The following GPR27 variants were observed in gnomAD, a reference collection of about 807,000 sequenced individuals.
GPR27 encodes the protein G protein-coupled receptor 27.
Under a neutral mutation model 2.4 loss-of-function variants are expected in GPR27, and 3 were observed. The observed-to-expected ratio is 1.23, with a 90% confidence interval of 0.56 to 3.18. The LOEUF (loss-of-function observed/expected upper bound fraction) is 3.18, where lower values mean the gene tolerates loss of function less well. GPR27 is among the 30% of genes most tolerant of loss of function. The pLI is 0.03. For missense variants in GPR27, 526 were observed against 566.1 expected (o/e 0.93, Z 0.72); for synonymous variants, 367 against 296.4 (o/e 1.24, Z -2.45).
Position 71,756,208 on chromosome 3 carries a change from TATA to T in GPR27, c.*1034_*1036del, listed in dbSNP as rs1431094782. On this transcript the variant is annotated 3_prime_UTR_variant, in exon 1 of 1. Coordinates refer to ENST00000304411, the MANE Select transcript of GPR27 (RefSeq NM_018971.3). ...TTGTTTATGGTATAAATGAATGGAA[TATA>T]ATGATATCCTCCTTCTAGGAAACAA... The T allele has an allele frequency of 1.3e-5, 2 of 152,218 alleles. No homozygotes were observed. The highest frequency in any genetic ancestry group is 4.8e-5 in the African/African-American group (2 of 41,468). The allele number at this position is 152,218 out of a possible 1,614,324, so 9.4% of individuals were successfully genotyped here. A position where few individuals can be genotyped will look rare whatever the true frequency, so the allele number is the denominator to read the frequency against.
Position 71,754,855 on chromosome 3 carries a change from G to A in GPR27, c.806G>A (p.Arg269His). 2.0e-6 allele frequency: 3 copies of A among 1,470,544 alleles called. No homozygotes were observed. The highest frequency in any genetic ancestry group is 2.8e-6 in the Non-Finnish European group (3 of 1,085,612). The allele number at this position is 1,470,544 out of a possible 1,614,324, so 91.1% of individuals were successfully genotyped here. ...RPAGPGRGARRLLVLEEFKTE... is the reference protein window; with the variant it reads ...RPAGPGRGARHLLVLEEFKTE... ...GCAGGGCCGGGCCGCGGCGCGCGCC[G>A]CCTCCTCGTGCTGGAAGAATTCAAG... Residue 269 changes from arginine to histidine, a missense_variant, in exon 1 of 1, where the codon CGC becomes CAC. By Grantham distance (29) the Arg-to-His change is conservative. Around this residue, in one of 3 missense-constraint regions of GPR27, gnomAD observed 98 missense variants for 146.7 expected, o/e 0.67. Transcript: ENST00000304411. This position sits in a 1 kb window ranked among gnomAD's most constrained non-coding sequence, Gnocchi z 5.8.
chr3:71,755,483 T>C lies in GPR27; in HGVS notation c.*306T>C. 1 of 339,236 alleles carries C rather than the reference T, an allele frequency of 2.9e-6. No homozygotes were observed. The allele number at this position is 339,236 out of a possible 1,614,324, so 21.0% of individuals were successfully genotyped here. On this transcript the variant is annotated 3_prime_UTR_variant, in exon 1 of 1. Coordinates refer to ENST00000304411, the MANE Select transcript of GPR27 (RefSeq NM_018971.3). ...CCATGTGTGGTTCCTTTTTTTCTTT[T>C]TCTATAAAGGCTGTACTAATTTTCT...
rs1235352564 is a variant in GPR27, at chr3:71,755,516, A to G, written c.*339A>G. The G allele has an allele frequency of 2.1e-5, 5 of 241,154 alleles. No individual in the cohort carries two copies. The highest frequency in any genetic ancestry group is 1.6e-5 in the Non-Finnish European group (2 of 125,612). 14.9% of individuals were successfully genotyped at this position (241,154 alleles called of 1,614,324 possible). On this transcript the variant is annotated 3_prime_UTR_variant, in exon 1 of 1. Coordinates refer to ENST00000304411, the MANE Select transcript of GPR27 (RefSeq NM_018971.3). ...AGGCTGTACTAATTTTCTTCATGCAACGTTTCCTAAAGACCATGGCCAGTT... is the reference window on the plus strand; with the variant it reads ...AGGCTGTACTAATTTTCTTCATGCAGCGTTTCCTAAAGACCATGGCCAGTT...
In GPR27 at chr3:71,754,192, G is replaced by A. The variant is rs1210824505; in HGVS notation, c.143G>A (p.Ser48Asn). ...GCGCTGCTGATCGTGCGGGAGCGCA[G>A]CCTGCACCGCGCCCCGTACTACCTG... is the stretch of plus-strand genomic sequence containing the variant. ...LFALLIVRER[S>N]LHRAPYYLLL... is the part of the protein sequence containing the mutation. The change falls in exon 1 of 1, where the codon AGC becomes AAC. Residue 48 changes from serine to asparagine, a missense_variant. Ser to Asn is a conservative substitution (Grantham distance 46). Transcript: ENST00000304411. This position sits in a 1 kb window ranked among gnomAD's most constrained non-coding sequence, Gnocchi z 5.8. 4.2e-6 allele frequency: 6 copies of A among 1,421,716 alleles called. No individual in the cohort carries two copies. Among genetic ancestry groups the A allele is most frequent in the South Asian group, 2.5e-5 (2 of 78,860 alleles). The allele number at this position is 1,421,716 out of a possible 1,614,324, so 88.1% of individuals were successfully genotyped here. A position where few individuals can be genotyped will look rare whatever the true frequency, so the allele number is the denominator to read the frequency against.
Position 71,754,990 on chromosome 3 carries a change from C to A in GPR27, c.941C>A (p.Ala314Asp). 1.9e-6 allele frequency: 3 copies of A among 1,613,274 alleles called. No homozygotes were observed. The highest frequency in any genetic ancestry group is 2.5e-6 in the Non-Finnish European group (3 of 1,179,902). The stretch of plus-strand genomic sequence containing the variant: ...CTGCGGGTCCTGGTGCGGCCCGGCG[C>A]CGTCCCCCAGGCCTACCTGACGGCC... ...SYLRVLVRPG[A>D]VPQAYLTASV... The change falls in exon 1 of 1, where the codon GCC (alanine) becomes GAC (aspartate). Residue 314 changes from alanine (A) to aspartate (D), a missense_variant. This residue lies in a region of GPR27 where 116 missense variants were observed against 100.9 expected (regional missense o/e 1.15). Transcript: ENST00000304411. The surrounding 1 kb of genome is among the most constrained non-coding windows in gnomAD (Gnocchi z 5.8).
In GPR27 at chr3:71,754,547, C is replaced by G; in HGVS notation, c.498C>G (p.Asp166Glu). 1 of 1,352,026 alleles carries G rather than the reference C, an allele frequency of 7.4e-7. No individual in the cohort carries two copies. Among genetic ancestry groups the G allele is most frequent in the South Asian group, 1.7e-5 (1 of 59,682 alleles). The allele number at this position is 1,352,026 out of a possible 1,614,324, so 83.8% of individuals were successfully genotyped here. A position where few individuals can be genotyped will look rare whatever the true frequency, so the allele number is the denominator to read the frequency against. ...CAGTGCTGGACGGCGGTGGCGACGA[C>G]GAGGACGCGCCGTGCGCCCTGGAGC... ...FPPVLDGGGD[D>E]EDAPCALEQR... The change falls in exon 1 of 1, where the codon GAC becomes GAG. Residue 166 changes from aspartate (D) to glutamate (E), a missense_variant. By Grantham distance (45) the Asp-to-Glu change is conservative. Around this residue, in one of 3 missense-constraint regions of GPR27, gnomAD observed 312 missense variants for 318.4 expected, o/e 0.98. Transcript: ENST00000304411. The surrounding 1 kb of genome is among the most constrained non-coding windows in gnomAD (Gnocchi z 5.8).
At position 71,754,824 on chromosome 3, in the gene GPR27, CG is replaced by C; in HGVS notation, c.777del (p.Ala261GlnfsTer60). ...GPTPPALVGI[R>X]PAGPGRGARR... ...CACGCCGCCCGCGCTTGTGGGCATCCGGCCCGCAGGGCCGGGCCGCGGCGCG... is the reference window on the plus strand; with the variant it reads ...CACGCCGCCCGCGCTTGTGGGCATCCGCCCGCAGGGCCGGGCCGCGGCGCG... On this transcript the variant is annotated frameshift_variant, in exon 1 of 1. Transcript: ENST00000304411. LOFTEE classifies it low-confidence loss of function (END_TRUNC). This position sits in a 1 kb window ranked among gnomAD's most constrained non-coding sequence, Gnocchi z 5.8. The C allele has an allele frequency of 1.3e-6, 2 of 1,531,670 alleles. No homozygotes were observed. The highest frequency in any genetic ancestry group is 1.8e-6 in the Non-Finnish European group (2 of 1,139,762). 94.9% of individuals were successfully genotyped at this position (1,531,670 alleles called of 1,614,324 possible). A position where few individuals can be genotyped will look rare whatever the true frequency, so the allele number is the denominator to read the frequency against.
rs901468652 is a variant in GPR27 at position 71,755,239 on chromosome 3, G to A, written c.*62G>A. On this transcript the variant is annotated 3_prime_UTR_variant, in exon 1 of 1. Coordinates refer to ENST00000304411, the MANE Select transcript of GPR27 (RefSeq NM_018971.3). The stretch of plus-strand genomic sequence containing the variant: ...TCCCTTTGGCTCGGACGGTGACGTT[G>A]TATCTTTTCCTTCTGGCCCCTGTTT... The A allele has an allele frequency of 9.9e-6, 13 of 1,317,226 alleles. No individual in the cohort carries two copies. Among genetic ancestry groups the A allele is most frequent in the Non-Finnish European group, 1.2e-5 (12 of 970,922 alleles). 81.6% of individuals were successfully genotyped at this position (1,317,226 alleles called of 1,614,324 possible).
Position 71,754,094 on chromosome 3 carries a change from G to C in GPR27, c.45G>C (p.Ala15=). ...CGGGTGGCAGCGGCGGCGGCGAGGCGGCCGCCCTGGGCCTCAAGCTGGCCA... is the reference window on the plus strand; with the variant it reads ...CGGGTGGCAGCGGCGGCGGCGAGGCCGCCGCCCTGGGCCTCAAGCTGGCCA... The part of the protein sequence containing the change: ...SEPGGSGGGE[A]AALGLKLATL... The change falls in exon 1 of 1, where the codon GCG becomes GCC. Residue 15 remains alanine, a synonymous_variant. Transcript: ENST00000304411. This position sits in a 1 kb window ranked among gnomAD's most constrained non-coding sequence, Gnocchi z 5.8. The C allele has an allele frequency of 7.4e-7, 1 of 1,359,536 alleles. No individual in the cohort carries two copies. Among genetic ancestry groups the C allele is most frequent in the South Asian group, 1.4e-5 (1 of 71,684 alleles). The allele number at this position is 1,359,536 out of a possible 1,614,324, so 84.2% of individuals were successfully genotyped here. A position where few individuals can be genotyped will look rare whatever the true frequency, so the allele number is the denominator to read the frequency against.
At position 71,754,349 on chromosome 3, in the gene GPR27, C is replaced by T; in HGVS notation, c.300C>T (p.Phe100=). 7.7e-7 allele frequency: 1 copy of T among 1,306,840 alleles called. No homozygotes were observed. The highest frequency in any genetic ancestry group is 9.8e-7 in the Non-Finnish European group (1 of 1,017,910). The allele number at this position is 1,306,840 out of a possible 1,614,324, so 81.0% of individuals were successfully genotyped here. A position where few individuals can be genotyped will look rare whatever the true frequency, so the allele number is the denominator to read the frequency against. ...PGALGCKLLA[F]LAALFCFHAA... The stretch of plus-strand genomic sequence containing the variant: ...CGCTGGGCTGCAAGCTGCTCGCCTT[C>T]CTGGCCGCGCTCTTCTGCTTCCACG... Residue 100 remains phenylalanine (F), a synonymous_variant, in exon 1 of 1, where the codon TTC becomes TTT. Transcript: ENST00000304411. The surrounding 1 kb of genome is among the most constrained non-coding windows in gnomAD (Gnocchi z 5.8).
rs2049995887 is a variant in GPR27 at position 71,755,881 on chromosome 3, A to G, written c.*704A>G. ...TGCTGCTAAAAACCACGTCAGTGAC[A>G]ACTGCTCTCTGTATTATAGCAATCT... On this transcript the variant is annotated 3_prime_UTR_variant, in exon 1 of 1. Transcript: ENST00000304411. 6.6e-6 allele frequency: 1 copy of G among 152,248 alleles called. No individual in the cohort carries two copies. Among genetic ancestry groups the G allele is most frequent in the African/African-American group, 2.4e-5 (1 of 41,458 alleles). 9.4% of individuals were successfully genotyped at this position (152,248 alleles called of 1,614,324 possible). A position where few individuals can be genotyped will look rare whatever the true frequency, so the allele number is the denominator to read the frequency against.
At position 71,754,448 on chromosome 3, in the gene GPR27, C is replaced by T. The variant is rs2049979159; in HGVS notation, c.399C>T (p.Arg133=). ...AIAHHRFYAE[R]LAGWPCAAML... ...CGCACCACCGCTTCTATGCAGAGCG[C>T]CTGGCCGGCTGGCCGTGCGCCGCCA... Residue 133 remains arginine (R), a synonymous_variant, in exon 1 of 1, where the codon CGC becomes CGT. Transcript: ENST00000304411. This position sits in a 1 kb window ranked among gnomAD's most constrained non-coding sequence, Gnocchi z 5.8. The T allele has an allele frequency of 3.7e-6, 5 of 1,341,162 alleles. No individual in the cohort carries two copies. In the East Asian group the frequency reaches 1.6e-4, roughly 44 times the overall value. The allele number at this position is 1,341,162 out of a possible 1,614,324, so 83.1% of individuals were successfully genotyped here.
In GPR27 at chr3:71,754,929, C is replaced by T; in HGVS notation, c.880C>T (p.Leu294=). ...KMFYAVTLLF[L]LLWGPYVVAS... ...GTTCTACGCCGTCACGCTGCTCTTCCTGCTCCTCTGGGGGCCCTACGTCGT... is the reference window on the plus strand; with the variant it reads ...GTTCTACGCCGTCACGCTGCTCTTCTTGCTCCTCTGGGGGCCCTACGTCGT... The change falls in exon 1 of 1, where the codon CTG becomes TTG. Residue 294 remains leucine (L), a synonymous_variant. Transcript: ENST00000304411. This position sits in a 1 kb window ranked among gnomAD's most constrained non-coding sequence, Gnocchi z 5.8. 6.2e-7 allele frequency: 1 copy of T among 1,613,696 alleles called. No homozygotes were observed. Among genetic ancestry groups the T allele is most frequent in the Non-Finnish European group, 8.5e-7 (1 of 1,179,852 alleles).
In GPR27 at chr3:71,753,932, G is replaced by A; in HGVS notation, c.-118G>A. Reference sequence around the variant, plus strand: ...GCCGGCCGGGAGCGGGCTGAGCCCCGCAGGACGGGGAGCTCGCCCAGGGCC... The same window carrying A: ...GCCGGCCGGGAGCGGGCTGAGCCCCACAGGACGGGGAGCTCGCCCAGGGCC... On this transcript the variant is annotated 5_prime_UTR_variant, in exon 1 of 1. Transcript: ENST00000304411. The A allele has an allele frequency of 9.9e-7, 1 of 1,007,272 alleles. No individual in the cohort carries two copies. The highest frequency in any genetic ancestry group is 1.2e-6 in the Non-Finnish European group (1 of 844,266). The allele number at this position is 1,007,272 out of a possible 1,614,324, so 62.4% of individuals were successfully genotyped here.
At position 71,755,198 on chromosome 3, in the gene GPR27, C is replaced by T; in HGVS notation, c.*21C>T. 1 of 1,548,766 alleles carries T rather than the reference C, an allele frequency of 6.5e-7. No homozygotes were observed. The highest frequency in any genetic ancestry group is 8.7e-7 in the Non-Finnish European group (1 of 1,144,814). ...TATGAGGGAGGCCCCGCCACATAGA[C>T]CCCCAACCCAGCCTTTCCCTTTGGC... On this transcript the variant is annotated 3_prime_UTR_variant, in exon 1 of 1. Transcript: ENST00000304411.
Position 71,755,135 on chromosome 3 carries a change from C to G in GPR27, c.1086C>G (p.Thr362=). 1 of 1,608,514 alleles carries G rather than the reference C, an allele frequency of 6.2e-7. No individual in the cohort carries two copies. The highest frequency in any genetic ancestry group is 8.5e-7 in the Non-Finnish European group (1 of 1,179,568). The change falls in exon 1 of 1, where the codon ACC becomes ACG. Residue 362 remains threonine, a synonymous_variant. Coordinates refer to ENST00000304411, the MANE Select transcript of GPR27 (RefSeq NM_018971.3). ...QFPCCQSPRT[T]QATHPCDLKG... ...CCTGCTGCCAGAGCCCCCGGACCAC[C>G]CAGGCGACCCATCCCTGCGACCTGA...
At position 71,754,200 on chromosome 3, in the gene GPR27, C is replaced by G; in HGVS notation, c.151C>G (p.Arg51Gly). ...LLIVRERSLH[R>G]APYYLLLDLC... ...GATCGTGCGGGAGCGCAGCCTGCACCGCGCCCCGTACTACCTGCTGCTCGA... is the reference window on the plus strand; with the variant it reads ...GATCGTGCGGGAGCGCAGCCTGCACGGCGCCCCGTACTACCTGCTGCTCGA... Residue 51 changes from arginine to glycine, a missense_variant, in exon 1 of 1, where the codon CGC (arginine) becomes GGC (glycine). Arg to Gly is a moderately radical substitution (Grantham distance 125). This residue lies in a region of GPR27 where 312 missense variants were observed against 318.4 expected (regional missense o/e 0.98). Transcript: ENST00000304411. This position sits in a 1 kb window ranked among gnomAD's most constrained non-coding sequence, Gnocchi z 5.8. 1 of 1,413,852 alleles carries G rather than the reference C, an allele frequency of 7.1e-7. No homozygotes were observed. Among genetic ancestry groups the G allele is most frequent in the East Asian group, 3.2e-5 (1 of 31,406 alleles). 87.6% of individuals were successfully genotyped at this position (1,413,852 alleles called of 1,614,324 possible). A position where few individuals can be genotyped will look rare whatever the true frequency, so the allele number is the denominator to read the frequency against.
rs1315599429 is a variant in GPR27 at position 71,753,883 on chromosome 3, G to A, written c.-167G>A. Among the ~76,000 whole-genome samples the A allele has an allele frequency of 6.7e-6, 1 of 148,380 alleles. No homozygotes were observed. The highest frequency in any genetic ancestry group is 1.5e-5 in the Non-Finnish European group (1 of 66,426). ...CCTGAGATGGCGGCGGCGGCACAGCGGCGGCTCGGGGAGCCCAGGAGGGGC... is the reference window on the plus strand; with the variant it reads ...CCTGAGATGGCGGCGGCGGCACAGCAGCGGCTCGGGGAGCCCAGGAGGGGC... On this transcript the variant is annotated 5_prime_UTR_variant, in exon 1 of 1. Coordinates refer to ENST00000304411, the MANE Select transcript of GPR27 (RefSeq NM_018971.3).
Position 71,755,322 on chromosome 3 carries a change from A to C in GPR27, c.*145A>C. The C allele has an allele frequency of 1.4e-6, 1 of 702,266 alleles. No individual in the cohort carries two copies. The highest frequency in any genetic ancestry group is 2.3e-6 in the Non-Finnish European group (1 of 431,738). The allele number at this position is 702,266 out of a possible 1,614,324, so 43.5% of individuals were successfully genotyped here. On this transcript the variant is annotated 3_prime_UTR_variant, in exon 1 of 1. Transcript: ENST00000304411. ...GTGGACAGACACTTGGATTGTACTG[A>C]CTCCTTTGGGGGTGGGGTGGGTGAG...
Sources: allele counts gnomAD v4.1 joint callset (sites outside exome capture counted in the v4.1 genomes callset), GRCh38; gene constraint gnomAD v4.1.1; regional missense constraint gnomAD v4.1.1; non-coding constraint Gnocchi (gnomAD v3.1); transcripts MANE v1.5; gene names NCBI Gene and HGNC (gene_info 2026-07-23, HGNC 2026-07-21).